Variants in SOX6 observed in about 807,000 individuals in gnomAD.
SOX6 encodes transcription factor SOX-6.
Under a neutral mutation model 97.8 loss-of-function variants are expected in SOX6, and 11 were observed. The ratio of observed to expected loss-of-function variants is 0.11; its 90% CI spans 0.07 to 0.19. The LOEUF is 0.19. SOX6 is among the 10% of genes least tolerant of loss of function. The probability of loss-of-function intolerance (pLI) is 1.00; values close to 1 mark genes in which losing one functional copy is unlikely to be tolerated. For synonymous variants in SOX6, 360 were observed against 371.4 expected, an observed-to-expected ratio of 0.97 and a Z score of 0.35; for missense variants, 810 against 1,039.5, an observed-to-expected ratio of 0.78 and a Z score of 3.04.
chr11:16,051,459 G>A (rs1445785091), intron 10 of SOX6, among the ~76,000 whole-genome samples: 1 of 152,036 alleles, frequency 6.6e-6, no homozygotes, highest in South Asian at 2.1e-4. Context: ...TTTTTTGTGT[G>A]TGTTCATAGG....
At chr11:16,021,766 T>C (rs1855066449) in intron 12 of SOX6, among the ~76,000 whole-genome samples, 1 of 152,158 alleles carries the variant, frequency 6.6e-6, no homozygotes, top group African/African-American at 2.4e-5. Context: ...CTAACTGCTG[T>C]TTTCCAACTG....
At chr11:16,644,883 A>G (rs889141615) in intron 3 of SOX6, among the ~76,000 whole-genome samples, 1 of 152,182 alleles carries the variant, frequency 6.6e-6, no homozygotes, top group African/African-American at 2.4e-5. Context: ...ATTTTGTCAC[A>G]TTGTCTAGGA....
intron 4 of SOX6, among the ~76,000 whole-genome samples, chr11:16,519,232 T>G (rs557883640): frequency 4.6e-5 from 7 of 152,080 alleles, no homozygotes; most frequent in Non-Finnish European, 8.8e-5. Context: ...GGGGTACATG[T>G]GCAGATTTGT....
intron 1 of SOX6, among the ~76,000 whole-genome samples, chr11:16,404,969 T>A (rs1443441468): frequency 6.6e-6 from 1 of 151,972 alleles, no homozygotes; most frequent in Non-Finnish European, 1.5e-5. Flanking sequence ...CTGCTAGCAT[T>A]TCTTATTTAA....
intron 4 of SOX6, among the ~76,000 whole-genome samples, chr11:16,207,560 A>T (rs943939246): frequency 6.6e-6 from 1 of 151,114 alleles, no homozygotes; most frequent in Admixed American, 6.6e-5. Context: ...GCACCACTGC[A>T]CCCACCTTGG....
At chr11:16,132,256 A>G (rs554902634) in intron 6 of SOX6, among the ~76,000 whole-genome samples, 13 of 113,024 alleles carry the variant, frequency 1.2e-4, no homozygotes, top group East Asian at 1.1e-3. Context: ...AGGAAGGAAG[A>G]AAGAAAGAAA....
intron 1 of SOX6, among the ~76,000 whole-genome samples, chr11:16,474,982 G>A (rs1273810755): frequency 6.6e-6 from 1 of 152,198 alleles, no homozygotes; most frequent in African/African-American, 2.4e-5. Flanking sequence ...CACTGGCTGT[G>A]TCACCTTCAC....
At chr11:16,242,859 A>G (rs570982823) in intron 3 of SOX6, among the ~76,000 whole-genome samples, 135 of 152,046 alleles carry the variant, frequency 8.9e-4, no homozygotes, top group Admixed American at 1.6e-3. Flanking sequence ...ATAGTCCTCA[A>G]TTTGGTTTTA....
At position 16,215,162 on chromosome 11, in the gene SOX6, T is replaced by C. The variant is rs541032899; in HGVS notation, c.535+19420A>G. Among the ~76,000 whole-genome samples the C allele has an allele frequency of 2.6e-4, 40 of 152,300 alleles. 1 individual carries two copies. Among genetic ancestry groups the C allele is most frequent in the African/African-American group, 9.4e-4 (39 of 41,568 alleles). On this transcript the variant is annotated intron_variant, in intron 4 of 15. Transcript: ENST00000683767. ...CACTTGTCATTTCATGAGTACTAGC[T>C]ATTTCATCATCATGATGAGCAAAAG... is the stretch of plus-strand genomic sequence containing the variant.
intron 10 of SOX6, among the ~76,000 whole-genome samples, chr11:16,053,112 C>T (rs900161084): frequency 6.6e-6 from 1 of 152,150 alleles, no homozygotes; most frequent in Non-Finnish European, 1.5e-5. Flanking sequence ...AAACTCTGAA[C>T]TCTGTCTCTC....
chr11:16,633,041 C>T (rs1055356713), intron 3 of SOX6, among the ~76,000 whole-genome samples: 5 of 152,074 alleles, frequency 3.3e-5, no homozygotes, highest in African/African-American at 4.8e-5. Context: ...GTGGAGAGGG[C>T]CTCCCTGTAC....
intron 4 of SOX6, among the ~76,000 whole-genome samples, chr11:16,519,060 C>T (rs544479962): frequency 5.8e-4 from 89 of 152,212 alleles, no homozygotes; most frequent in African/African-American, 1.9e-3. Context: ...GAAAGCAAAG[C>T]GCTTTCAAAT....
In SOX6 at chr11:16,402,169, C is replaced by T. The variant is rs1045627812; in HGVS notation, c.-4-60917G>A. 7.9e-5 allele frequency among the ~76,000 whole-genome samples: 12 copies of T among 151,640 alleles called. No homozygotes were observed. In the South Asian group the frequency reaches 2.5e-3, roughly 31 times the overall value. ...TGTATTCACTCTTTTTCTATTGCCT[C>T]CTCTGTATACAAACCCACAGTAGCT... On this transcript the variant is annotated intron_variant, in intron 1 of 15. Transcript: ENST00000396356.
chr11:16,634,016 T>C (rs1483507877), intron 3 of SOX6, among the ~76,000 whole-genome samples: 3 of 152,190 alleles, frequency 2.0e-5, no homozygotes, highest in Non-Finnish European at 4.4e-5. Flanking sequence ...TGATTCATTT[T>C]CTAGAGAAAA....
intron 1 of SOX6, among the ~76,000 whole-genome samples, chr11:16,387,271 C>G (rs529060686): frequency 2.6e-5 from 4 of 151,904 alleles, no homozygotes; most frequent in Admixed American, 2.0e-4. Flanking sequence ...TTTTTTCAGT[C>G]AAGTTTGAGC....
chr11:16,488,127 C>A (rs1860464173), intron 4 of SOX6, among the ~76,000 whole-genome samples: 1 of 152,120 alleles, frequency 6.6e-6, no homozygotes, highest in African/African-American at 2.4e-5. Context: ...TAACTATGGG[C>A]TAATTATCTA....
chr11:16,716,707 T>G (rs1030126768), intron 2 of SOX6, among the ~76,000 whole-genome samples: 1 of 152,044 alleles, frequency 6.6e-6, no homozygotes, highest in African/African-American at 2.4e-5. Context: ...ACAAATGAAT[T>G]CATACAATGG....
At chr11:16,177,354 G>T (rs1013965094) in intron 6 of SOX6, among the ~76,000 whole-genome samples, 1 of 151,704 alleles carries the variant, frequency 6.6e-6, no homozygotes, top group Non-Finnish European at 1.5e-5. Context: ...CTCTTTCAAG[G>T]GTTCCCCAAA....
At chr11:16,001,982 T>C (rs1353836830) in intron 13 of SOX6, among the ~76,000 whole-genome samples, 1 of 152,180 alleles carries the variant, frequency 6.6e-6, no homozygotes, top group Non-Finnish European at 1.5e-5. Flanking sequence ...GGCTTTATTA[T>C]TGCAACATCC....
Sources: allele counts gnomAD v4.1 joint callset (sites outside exome capture counted in the v4.1 genomes callset), GRCh38; gene constraint gnomAD v4.1.1; transcripts MANE v1.5; gene names NCBI Gene and HGNC (gene_info 2026-07-23, HGNC 2026-07-21).